The following THSD4 variants were observed in gnomAD, a reference collection of about 807,000 sequenced individuals.
THSD4 encodes thrombospondin type 1 domain containing 4.
THSD4 carries 69 observed loss-of-function variants against 119.0 expected under a neutral mutation model. The ratio of observed to expected loss-of-function variants is 0.58; its 90% CI spans 0.48 to 0.71. The LOEUF (loss-of-function observed/expected upper bound fraction) is 0.71. THSD4 is among the 30% of genes least tolerant of loss of function. THSD4 has a pLI of 0.00. For synonymous variants in THSD4, 524 were observed against 540.4 expected (o/e 0.97, Z 0.42); for missense variants, 1,393 against 1,391.1 (o/e 1.00, Z -0.02).
At chr15:71,309,554 A>G (rs1406450551) in intron 6 of THSD4, among the ~76,000 whole-genome samples, 3 of 152,128 alleles carry the variant, frequency 2.0e-5, no homozygotes, top group Admixed American at 6.5e-5. Context: ...TTGATGTCCT[A>G]TTTGAGAAAC....
At chr15:71,104,932 T>A (rs994361641) in intron 1 of THSD4, among the ~76,000 whole-genome samples, 11 of 152,282 alleles carry the variant, frequency 7.2e-5, no homozygotes, top group African/African-American at 2.6e-4. Flanking sequence ...CGGCCTTATG[T>A]CCTCTTTATA....
intron 6 of THSD4, among the ~76,000 whole-genome samples, chr15:71,275,791 A>G (rs1053290362): frequency 1.3e-5 from 2 of 152,148 alleles, no homozygotes; most frequent in African/African-American, 4.8e-5. Context: ...TGTTGGTTTT[A>G]TAAGGGGCTT....
intron 7 of THSD4, among the ~76,000 whole-genome samples, chr15:71,532,720 T>C (rs2048633465): frequency 6.6e-6 from 1 of 152,236 alleles, no homozygotes; most frequent in Non-Finnish European, 1.5e-5. Context: ...TTGACAAATC[T>C]CTTAAAACAT....
intron 7 of THSD4, among the ~76,000 whole-genome samples, chr15:71,459,262 G>A (rs918791394): frequency 2.0e-5 from 3 of 149,518 alleles, no homozygotes; most frequent in African/African-American, 7.4e-5. Flanking sequence ...AGGTTCAAGC[G>A]ATTCTCTTGC....
chr15:71,597,651 G>C (rs1456122600), intron 7 of THSD4, among the ~76,000 whole-genome samples: 1 of 152,200 alleles, frequency 6.6e-6, no homozygotes, highest in Non-Finnish European at 1.5e-5. Context: ...AAACCACCTA[G>C]TTCTGATGAC....
chr15:71,547,705 G>A (rs969559654), intron 7 of THSD4: 3 of 464,194 alleles, frequency 6.5e-6, no homozygotes, highest in African/African-American at 2.0e-5. Flanking sequence ...TGTCTGTGCA[G>A]TTGCCACACT....
intron 10 of THSD4, among the ~76,000 whole-genome samples, chr15:71,736,911 C>T (rs2053124088): frequency 6.6e-6 from 1 of 152,234 alleles, no homozygotes; most frequent in Non-Finnish European, 1.5e-5. Context: ...GATAGTAAAT[C>T]ACACACAAAT....
At chr15:71,663,097 T>G (rs970589581) in intron 8 of THSD4, among the ~76,000 whole-genome samples, 2 of 151,822 alleles carry the variant, frequency 1.3e-5, no homozygotes, top group African/African-American at 4.8e-5. Flanking sequence ...CAAAAAAATT[T>G]AAAAATCAGC....
At chr15:71,136,799 C>T (rs2040556133) in intron 1 of THSD4, among the ~76,000 whole-genome samples, 1 of 152,050 alleles carries the variant, frequency 6.6e-6, no homozygotes, top group African/African-American at 2.4e-5. Context: ...GAGTTCTGGT[C>T]AGGCCCTGAG....
intron 1 of THSD4, among the ~76,000 whole-genome samples, chr15:71,135,941 G>T (rs946990638): frequency 6.7e-6 from 1 of 148,334 alleles, no homozygotes; most frequent in Non-Finnish European, 1.5e-5. Flanking sequence ...CCAGTATGGG[G>T]TTTGTTCATT....
rs778890822 is a variant in THSD4 at position 71,629,184 on chromosome 15, GC to G, written c.1153-31345del. Among the ~76,000 whole-genome samples the G allele has an allele frequency of 3.4e-4, 52 of 152,254 alleles. 1 individual carries two copies. The South Asian group carries it at 0.01, about 30-fold the overall frequency. On this transcript the variant is annotated intron_variant, in intron 7 of 17. Transcript: ENST00000261862. The stretch of plus-strand genomic sequence containing the variant: ...TGGAACGGCCAGAAAACTCATGGGG[GC>G]TCCCTCTGCATGAACAGCAGCATAC...
At chr15:71,413,609 C>A (rs1281211978) in intron 7 of THSD4, among the ~76,000 whole-genome samples, 1 of 152,182 alleles carries the variant, frequency 6.6e-6, no homozygotes, top group African/African-American at 2.4e-5. Flanking sequence ...CAGTTCTATC[C>A]ATGCTATTGC....
chr15:71,579,937 G>A (rs1005457597), intron 7 of THSD4, among the ~76,000 whole-genome samples: 2 of 151,746 alleles, frequency 1.3e-5, no homozygotes, highest in Admixed American at 6.6e-5. Flanking sequence ...GCTCAGCATC[G>A]AATGACGAAT....
rs1238504555 is a variant in THSD4 at position 71,660,668 on chromosome 15, G to A, written c.1291G>A (p.Val431Met). 8 of 1,614,050 alleles carry A rather than the reference G, an allele frequency of 5.0e-6. No individual in the cohort carries two copies. Among genetic ancestry groups the A allele is most frequent in the South Asian group, 2.2e-5 (2 of 91,084 alleles). Reference sequence around the variant, plus strand: ...CACCAGCCTGGGCTACCACCGCGTCGTGGAGATTCCCGAGGGAGCCACGAA... The same window carrying A: ...CACCAGCCTGGGCTACCACCGCGTCATGGAGATTCCCGAGGGAGCCACGAA... ...ALTSLGYHRV[V>M]EIPEGATKIN... Residue 431 changes from valine to methionine, a missense_variant, in exon 8 of 18, where the codon GTG (valine) becomes ATG (methionine). By Grantham distance (21) the Val-to-Met change is conservative. Coordinates refer to ENST00000261862, the MANE Select transcript of THSD4 (RefSeq NM_024817.3).
At chr15:71,693,354 GAAAC>G (rs1276123756) in intron 8 of THSD4, among the ~76,000 whole-genome samples, 1 of 152,130 alleles carries the variant, frequency 6.6e-6, no homozygotes, top group Non-Finnish European at 1.5e-5. Flanking sequence ...GGTGGATAAA[GAAAC>G]AAAGCCAACT....
intron 2 of THSD4, 65 bp downstream of exon 2, chr15:71,141,621 T>C: frequency 6.6e-7 from 1 of 1,510,392 alleles, no homozygotes; most frequent in Non-Finnish European, 9.0e-7. Context: ...CATTTTACTC[T>C]GTCATTTCTT....
At chr15:71,350,941 G>A (rs2045736337) in intron 6 of THSD4, among the ~76,000 whole-genome samples, 1 of 152,170 alleles carries the variant, frequency 6.6e-6, no homozygotes, top group South Asian at 2.1e-4. Context: ...CCTGATACAT[G>A]AGACCACTCA....
intron 10 of THSD4, chr15:71,732,677 G>A (rs905946773): frequency 6.6e-6 from 1 of 152,164 alleles, no homozygotes; most frequent in Admixed American, 6.5e-5. Context: ...CTTATTTTAA[G>A]AGTAAGGAAA....
chr15:71,370,965 G>A (rs942189302), intron 6 of THSD4, among the ~76,000 whole-genome samples: 2 of 152,186 alleles, frequency 1.3e-5, no homozygotes, highest in East Asian at 3.8e-4. Flanking sequence ...GGTTGCTCCT[G>A]TATTGGGTGC....
Sources: gnomAD v4.1 joint callset for allele counts (sites outside exome capture counted in the v4.1 genomes callset) on GRCh38, gnomAD v4.1.1 for gene constraint, MANE v1.5 for transcripts, NCBI Gene and HGNC (gene_info 2026-07-23, HGNC 2026-07-21) for gene names.